NSMAF: variants seen among roughly 807,000 people sequenced by gnomAD.
NSMAF encodes the protein neutral sphingomyelinase activation associated factor.
Under a neutral mutation model 134.9 loss-of-function variants are expected in NSMAF, and 90 were observed. The observed-to-expected ratio is 0.67, with a 90% CI of 0.56 to 0.79. The LOEUF is 0.79. NSMAF is among the 30% of genes least tolerant of loss of function. The pLI is 0.00. For missense variants in NSMAF, 1,010 were observed against 1,119.0 expected (o/e 0.90, Z 1.39); for synonymous variants, 358 against 389.6 (o/e 0.92, Z 0.96).
At chr8:58,588,471 T>TG in intron 26 of NSMAF, 1 of 1,186,782 alleles carries the variant, frequency 8.4e-7, no homozygotes, top group South Asian at 1.2e-5. Context: ...TAAATTGGGG[T>TG]GGGGGTGTTC....
In NSMAF at chr8:58,590,185, T is replaced by C; in HGVS notation, c.2020-111A>G. 2 of 882,376 alleles carry C rather than the reference T, an allele frequency of 2.3e-6. 1 individual carries two copies. Among genetic ancestry groups the C allele is most frequent in the Middle Eastern group, 5.2e-4 (2 of 3,822 alleles). 54.7% of individuals were successfully genotyped at this position (882,376 alleles called of 1,614,324 possible). A position where few individuals can be genotyped will look rare whatever the true frequency, so the allele number is the denominator to read the frequency against. On this transcript the variant is annotated intron_variant, in intron 24 of 30. Transcript: ENST00000038176. ...AATTAATGCTCAAATCGTCTTTATG[T>C]GGCTCTCCTCCTATTTACGCAGATT... is the stretch of plus-strand genomic sequence containing the variant.
At chr8:58,614,807 G>A (rs1038454579) in intron 9 of NSMAF, among the ~76,000 whole-genome samples, 7 of 152,142 alleles carry the variant, frequency 4.6e-5, no homozygotes, top group African/African-American at 1.2e-4. Context: ...CTGTCATTAA[G>A]TGATGCATGA....
chr8:58,597,612 A>G, intron 20 of NSMAF, 62 bp from the exon 21 acceptor site: 1 of 1,465,200 alleles, frequency 6.8e-7, no homozygotes, highest in Non-Finnish European at 9.5e-7. Context: ...GAAAGCACGC[A>G]TTTCAAATAG....
At chr8:58,596,580 T>C (rs1262449323) in intron 21 of NSMAF, among the ~76,000 whole-genome samples, 2 of 152,108 alleles carry the variant, frequency 1.3e-5, no homozygotes, top group Non-Finnish European at 2.9e-5. Context: ...CTGTAAATGT[T>C]TGTCAAATGT....
chr8:58,588,309 A>G (rs375506289), intron 26 of NSMAF: 1 of 688,082 alleles, frequency 1.5e-6, no homozygotes, highest in Admixed American at 2.5e-5. Flanking sequence ...TCTTTTAATG[A>G]TTCCTCACTT....
At chr8:58,634,988 A>G (rs1318583078) in intron 5 of NSMAF, among the ~76,000 whole-genome samples, 2 of 152,232 alleles carry the variant, frequency 1.3e-5, no homozygotes, top group Admixed American at 6.5e-5. Context: ...GCAAGCCCAC[A>G]GATATCACAC....
chr8:58,614,335 A>G (rs1806605602), intron 9 of NSMAF, among the ~76,000 whole-genome samples: 1 of 152,164 alleles, frequency 6.6e-6, no homozygotes, highest in Non-Finnish European at 1.5e-5. Context: ...CCTTTGTTTT[A>G]TGGAATGAGT....
chr8:58,608,389 A>T (rs1369476590), intron 10 of NSMAF, among the ~76,000 whole-genome samples: 1 of 152,214 alleles, frequency 6.6e-6, no homozygotes, highest in Non-Finnish European at 1.5e-5. Flanking sequence ...TAATTTTAAA[A>T]CACTAGTAAG....
chr8:58,637,572 T>A (rs937982300), intron 2 of NSMAF, among the ~76,000 whole-genome samples: 4 of 152,204 alleles, frequency 2.6e-5, no homozygotes, highest in African/African-American at 9.6e-5. Context: ...GCAAATAACA[T>A]GATTTTATAT....
chr8:58,653,366 T>G (rs985116522), intron 1 of NSMAF, among the ~76,000 whole-genome samples: 3 of 152,100 alleles, frequency 2.0e-5, no homozygotes, highest in African/African-American at 7.2e-5. Context: ...GTAAACAGAC[T>G]AAACTAATTC....
chr8:58,646,647 A>T (rs1467745830), intron 1 of NSMAF, among the ~76,000 whole-genome samples: 1 of 152,090 alleles, frequency 6.6e-6, no homozygotes, highest in African/African-American at 2.4e-5. Context: ...CCGCTTTAAA[A>T]TTTTTCTATG....
chr8:58,599,542 T>A (rs917610761), intron 18 of NSMAF, 179 bp from the exon 19 acceptor site: 8 of 904,930 alleles, frequency 8.8e-6, no homozygotes, highest in Non-Finnish European at 1.3e-5. Flanking sequence ...GTGGCAAGAA[T>A]CATTTTCACA....
At chr8:58,614,011 A>T (rs943187794) in intron 9 of NSMAF, among the ~76,000 whole-genome samples, 1 of 152,204 alleles carries the variant, frequency 6.6e-6, no homozygotes, top group South Asian at 2.1e-4. Context: ...TTTGTAACCT[A>T]GGAGCAATAG....
chr8:58,647,064 A>G (rs931610276), intron 1 of NSMAF, among the ~76,000 whole-genome samples: 14 of 152,238 alleles, frequency 9.2e-5, no homozygotes, highest in African/African-American at 3.4e-4. Context: ...GATGAACAGT[A>G]TTTACAGTGG....
chr8:58,623,765 C>T lies in NSMAF; in HGVS notation c.400G>A (p.Val134Ile). 1 of 1,614,030 alleles carries T rather than the reference C, an allele frequency of 6.2e-7. No homozygotes were observed. Among genetic ancestry groups the T allele is most frequent in the Middle Eastern group, 1.7e-4 (1 of 6,060 alleles). Residue 134 changes from valine (V) to isoleucine (I), a missense_variant, in exon 7 of 31, where the codon GTT becomes ATT. Transcript: ENST00000038176. Reference sequence around the variant, plus strand: ...TTCCCGGGAACATCCAATTCAAAAACATATTCCATTTTGCCCTAACAAAAA... The same window carrying T: ...TTCCCGGGAACATCCAATTCAAAAATATATTCCATTTTGCCCTAACAAAAA... ...YKIERGKMEYVFELDVPGKVE... is the reference protein window; with the variant it reads ...YKIERGKMEYIFELDVPGKVE...
At chr8:58,608,052 C>T (rs933680808) in intron 10 of NSMAF, among the ~76,000 whole-genome samples, 22 of 152,364 alleles carry the variant, frequency 1.4e-4, no homozygotes, top group Admixed American at 3.3e-4. Context: ...TCTTCCTCCC[C>T]GCCATGTGGC....
In NSMAF at chr8:58,583,818, T is replaced by C; in HGVS notation, c.*288A>G. 2.8e-6 allele frequency: 1 copy of C among 359,090 alleles called. No homozygotes were observed. Among genetic ancestry groups the C allele is most frequent in the East Asian group, 7.1e-5 (1 of 14,168 alleles). The allele number at this position is 359,090 out of a possible 1,614,324, so 22.2% of individuals were successfully genotyped here. A position where few individuals can be genotyped will look rare whatever the true frequency, so the allele number is the denominator to read the frequency against. ...CCCAGCCCAATTTATCTCTTAGCTA[T>C]TCTCTGCTACTTAGTCCTGTCTTCT... is the stretch of plus-strand genomic sequence containing the variant. On this transcript the variant is annotated 3_prime_UTR_variant, in exon 31 of 31. Coordinates refer to ENST00000038176, the MANE Select transcript of NSMAF (RefSeq NM_003580.4).
intron 1 of NSMAF, chr8:58,659,108 A>T: frequency 1.3e-6 from 1 of 790,464 alleles, no homozygotes; most frequent in Non-Finnish European, 1.7e-6. Flanking sequence ...CCGCCCGGCG[A>T]CCAACTCTGC....
At chr8:58,626,091 C>CTT (rs1225264071) in intron 6 of NSMAF, among the ~76,000 whole-genome samples, 5,601 of 99,308 alleles carry the variant, frequency 0.056, 329 homozygotes, top group African/African-American at 0.072. Flanking sequence ...TTATATAATT[C>CTT]TTTTTTTTTT....
Sources: allele counts gnomAD v4.1 joint callset (sites outside exome capture counted in the v4.1 genomes callset), GRCh38; gene constraint gnomAD v4.1.1; transcripts MANE v1.5; gene names NCBI Gene and HGNC (gene_info 2026-07-23, HGNC 2026-07-21).